The following TMEM163 variants were observed in gnomAD, a reference collection of about 807,000 sequenced individuals.
The protein encoded by TMEM163 is transmembrane protein 163.
In TMEM163, 17 loss-of-function variants were observed where a neutral mutation model predicts 29.3. The observed-to-expected ratio is 0.58, with a 90% CI of 0.40 to 0.87. The LOEUF (loss-of-function observed/expected upper bound fraction) is 0.87. Ranked by LOEUF, TMEM163 falls within the 40% of genes least tolerant of loss-of-function variation. TMEM163 has a pLI of 0.00. For synonymous variants in TMEM163, 157 were observed against 160.6 expected, an observed-to-expected ratio of 0.98 and a Z score of 0.17; for missense variants, 303 against 381.5, an observed-to-expected ratio of 0.79 and a Z score of 1.71.
intron 5 of TMEM163, among the ~76,000 whole-genome samples, chr2:134,501,801 T>C (rs922209353): frequency 4.6e-5 from 7 of 152,186 alleles, no homozygotes; most frequent in South Asian, 2.1e-4. Context: ...AAAGACTAAA[T>C]ACCACAAATA....
rs1558907932 is a variant in TMEM163 at position 134,456,667 on chromosome 2, TATGTGGAAA to T, written c.*40_*48del. The T allele has an allele frequency of 6.2e-7, 1 of 1,600,434 alleles. No individual in the cohort carries two copies. The highest frequency in any genetic ancestry group is 8.6e-7 in the Non-Finnish European group (1 of 1,169,316). ...CAGTTAAATATTGGCACCCTTTGCC[TATGTGGAAA>T]CTCCTCATCTCGATGGTCTCATGCG... On this transcript the variant is annotated 3_prime_UTR_variant, in exon 8 of 8. Transcript: ENST00000281924.
intron 4 of TMEM163, among the ~76,000 whole-genome samples, chr2:134,526,736 A>G (rs606101): frequency 0.73 from 111,207 of 152,110 alleles, 42,902 homozygotes; most frequent in East Asian, 0.99. Context: ...AATGCAGTGC[A>G]GGCTGACAGG....
chr2:134,529,951 G>A (rs756271179), intron 4 of TMEM163, among the ~76,000 whole-genome samples: 2 of 151,980 alleles, frequency 1.3e-5, no homozygotes, highest in Non-Finnish European at 2.9e-5. Flanking sequence ...GAATGCAGTC[G>A]GGAGGATTCT....
intron 6 of TMEM163, among the ~76,000 whole-genome samples, chr2:134,461,460 C>T (rs986488369): frequency 1.3e-5 from 2 of 152,188 alleles, no homozygotes; most frequent in East Asian, 3.8e-4. Context: ...GCCCCTCGTC[C>T]AGAGCGCTCC....
At chr2:134,547,319 C>A (rs529639125) in intron 4 of TMEM163, among the ~76,000 whole-genome samples, 1 of 152,250 alleles carries the variant, frequency 6.6e-6, no homozygotes, top group East Asian at 1.9e-4. Flanking sequence ...GTATGAAATA[C>A]CCCATCATAT....
At position 134,636,036 on chromosome 2, in the gene TMEM163, C is replaced by A. The variant is rs535223452; in HGVS notation, c.322+77164G>T. ...TCCTGCCTCATGCATCTCTGCTACC[C>A]TCATCCTGGCCACCCTTCCTTTCCC... On this transcript the variant is annotated intron_variant, in intron 2 of 7. Transcript: ENST00000281924. 1.2e-4 allele frequency among the ~76,000 whole-genome samples: 18 copies of A among 152,312 alleles called. No homozygotes were observed. The South Asian group carries it at 3.7e-3, about 32-fold the overall frequency.
At chr2:134,706,371 C>A (rs1009787813) in intron 2 of TMEM163, among the ~76,000 whole-genome samples, 4 of 152,180 alleles carry the variant, frequency 2.6e-5, no homozygotes, top group Non-Finnish European at 4.4e-5. Flanking sequence ...AAAACTGACT[C>A]CGGTCCAACC....
rs370393554 is a variant in TMEM163 at position 134,703,846 on chromosome 2, TAA to T, written c.322+9352_322+9353del. On this transcript the variant is annotated intron_variant, in intron 2 of 7. Transcript: ENST00000281924. ...TTATAACTACATCCATGTTAGAAAG[TAA>T]AAAAAAAAAAAAAAGATCGAAAATA... Among the ~76,000 whole-genome samples, 96 of 134,398 alleles carry T rather than the reference TAA, an allele frequency of 7.1e-4. 4 individuals are homozygous for T. The highest frequency in any genetic ancestry group is 1.4e-3 in the African/African-American group (51 of 36,852). The allele number at this position is 134,398 out of a possible 152,430, so 88.2% of individuals were successfully genotyped here. A position where few individuals can be genotyped will look rare whatever the true frequency, so the allele number is the denominator to read the frequency against.
intron 5 of TMEM163, among the ~76,000 whole-genome samples, chr2:134,473,141 A>G (rs1686839972): frequency 6.6e-6 from 1 of 152,228 alleles, no homozygotes; most frequent in South Asian, 2.1e-4. Flanking sequence ...AAAAGGCCTA[A>G]TATCAATGAT....
chr2:134,505,888 C>A (rs2106488545), intron 4 of TMEM163, among the ~76,000 whole-genome samples: 1 of 152,206 alleles, frequency 6.6e-6, no homozygotes, highest in Non-Finnish European at 1.5e-5. Context: ...TCTGTAAAGG[C>A]AAAAACTACA....
intron 4 of TMEM163, among the ~76,000 whole-genome samples, chr2:134,548,643 CA>C (rs1680842010): frequency 6.6e-6 from 1 of 151,898 alleles, no homozygotes; most frequent in African/African-American, 2.4e-5. Flanking sequence ...ATCCTTTATC[CA>C]AAATGCTTAG....
Position 134,650,917 on chromosome 2 carries a change from C to G in TMEM163, c.322+62283G>C, listed in dbSNP as rs1038817736. 5.5e-5 allele frequency among the ~76,000 whole-genome samples: 7 copies of G among 127,554 alleles called. 1 individual carries two copies. The highest frequency in any genetic ancestry group is 1.1e-4 in the Non-Finnish European group (7 of 63,720). The allele number at this position is 127,554 out of a possible 152,430, so 83.7% of individuals were successfully genotyped here. A position where few individuals can be genotyped will look rare whatever the true frequency, so the allele number is the denominator to read the frequency against. ...CATTGTATTCCATGGTGTATATGTG[C>G]CACATTTTCTTAATCCAGTCTATCA... On this transcript the variant is annotated intron_variant, in intron 2 of 7. Transcript: ENST00000281924.
chr2:134,711,450 C>T (rs1405508681), intron 2 of TMEM163, among the ~76,000 whole-genome samples: 2 of 152,248 alleles, frequency 1.3e-5, no homozygotes, highest in East Asian at 1.9e-4. Flanking sequence ...ATAGATAACA[C>T]AAATCATGAT....
At chr2:134,701,121 G>A (rs1684694003) in intron 2 of TMEM163, among the ~76,000 whole-genome samples, 1 of 151,658 alleles carries the variant, frequency 6.6e-6, no homozygotes, top group Non-Finnish European at 1.5e-5. Context: ...TAAACATGTT[G>A]TTTTGGTACT....
At chr2:134,639,311 G>T (rs957016236) in intron 2 of TMEM163, among the ~76,000 whole-genome samples, 1 of 152,210 alleles carries the variant, frequency 6.6e-6, no homozygotes, top group Non-Finnish European at 1.5e-5. Flanking sequence ...TATTGAAGAA[G>T]AGACAAAGCA....
chr2:134,556,884 G>A (rs1036347990), intron 2 of TMEM163, among the ~76,000 whole-genome samples: 2 of 152,152 alleles, frequency 1.3e-5, no homozygotes, highest in African/African-American at 4.8e-5. Flanking sequence ...AAAGAACAAT[G>A]GCATTGATAA....
chr2:134,541,487 C>G (rs1553478927), intron 4 of TMEM163, among the ~76,000 whole-genome samples: 2 of 152,132 alleles, frequency 1.3e-5, no homozygotes, highest in Non-Finnish European at 2.9e-5. Context: ...AAAGAAATAA[C>G]AAGACAGGCA....
chr2:134,580,494 A>G (rs1298948175), intron 2 of TMEM163, among the ~76,000 whole-genome samples: 1 of 152,234 alleles, frequency 6.6e-6, no homozygotes, highest in Non-Finnish European at 1.5e-5. Flanking sequence ...TTCCCCACAT[A>G]CTATATACTA....
intron 2 of TMEM163, among the ~76,000 whole-genome samples, chr2:134,579,674 G>A (rs113962459): frequency 8.1e-4 from 123 of 152,302 alleles, no homozygotes; most frequent in African/African-American, 2.8e-3. Flanking sequence ...GGCTTCGGAA[G>A]AGATATACTG....
Sources: gnomAD v4.1 joint callset for allele counts (sites outside exome capture counted in the v4.1 genomes callset) on GRCh38, gnomAD v4.1.1 for gene constraint, MANE v1.5 for transcripts, NCBI Gene and HGNC (gene_info 2026-07-23, HGNC 2026-07-21) for gene names.